Variants in GLRA3 observed in about 807,000 individuals in gnomAD.
The protein encoded by GLRA3 is glycine receptor subunit alpha-3.
A neutral mutation model predicts 60.4 loss-of-function variants in GLRA3; 44 were observed. That is an observed-to-expected ratio of 0.73 (90% confidence interval 0.57 to 0.94). The LOEUF (loss-of-function observed/expected upper bound fraction) is 0.94, where lower values mean the gene tolerates loss of function less well. Ranked by LOEUF, GLRA3 falls within the 40% of genes least tolerant of loss-of-function variation. GLRA3 has a pLI of 0.00. For missense variants in GLRA3, 508 were observed against 564.6 expected, an observed-to-expected ratio of 0.90 and a Z score of 1.02; for synonymous variants, 223 against 192.9, an observed-to-expected ratio of 1.16 and a Z score of -1.29.
chr4:174,802,268 A>G (rs2111344515), intron 1 of GLRA3, among the ~76,000 whole-genome samples: 1 of 152,116 alleles, frequency 6.6e-6, no homozygotes, highest in Admixed American at 6.6e-5. Context: ...TTTTTTGAAT[A>G]AGCATAGAAA....
intron 2 of GLRA3, among the ~76,000 whole-genome samples, chr4:174,773,965 TAC>T (rs10565507): frequency 0.73 from 110,826 of 151,614 alleles, 40,808 homozygotes; most frequent in East Asian, 1. Flanking sequence ...GAGGAAAATG[TAC>T]ACCCACAATA....
intron 3 of GLRA3, among the ~76,000 whole-genome samples, chr4:174,736,763 A>G (rs1338607965): frequency 6.6e-6 from 1 of 152,182 alleles, no homozygotes; most frequent in Non-Finnish European, 1.5e-5. Flanking sequence ...TCTATACACA[A>G]TGATGTATAT....
intron 3 of GLRA3, among the ~76,000 whole-genome samples, chr4:174,748,660 G>A (rs1476803718): frequency 1.3e-5 from 2 of 152,222 alleles, no homozygotes; most frequent in East Asian, 3.9e-4. Context: ...TTATACCCAG[G>A]TTAAATTTTA....
At chr4:174,788,717 G>A (rs1739216542) in intron 2 of GLRA3, 99 bp downstream of exon 2, 2 of 665,762 alleles carry the variant, frequency 3.0e-6, no homozygotes, top group African/African-American at 1.9e-5. Context: ...GAAGATTGTT[G>A]AAAATAAGCA....
At chr4:174,737,124 T>A (rs1008357393) in intron 3 of GLRA3, among the ~76,000 whole-genome samples, 1 of 152,200 alleles carries the variant, frequency 6.6e-6, no homozygotes, top group Non-Finnish European at 1.5e-5. Context: ...TTGGGACTAA[T>A]GTTATAGAAC....
intron 5 of GLRA3, among the ~76,000 whole-genome samples, chr4:174,691,738 G>A (rs1290844574): frequency 7.2e-5 from 11 of 152,206 alleles, no homozygotes; most frequent in Admixed American, 2.0e-4. Context: ...ATCTCGGCTC[G>A]CTACAACCTC....
At position 174,751,061 on chromosome 4, in the gene GLRA3, G is replaced by GTCTATCTATCTA. The variant is rs901405538; in HGVS notation, c.267+15890_267+15901dup. 4.6e-4 allele frequency among the ~76,000 whole-genome samples: 64 copies of GTCTATCTATCTA among 139,572 alleles called. 1 individual carries two copies. The highest frequency in any genetic ancestry group is 1.7e-3 in the African/African-American group (62 of 37,294). The allele number at this position is 139,572 out of a possible 152,430, so 91.6% of individuals were successfully genotyped here. ...AGAAAAAAGAGAAGCCTGTCTGTCT[G>GTCTATCTATCTA]TCTATCTATCTATCTATCTATCTAT... On this transcript the variant is annotated intron_variant, in intron 3 of 9. Coordinates refer to ENST00000274093, the MANE Select transcript of GLRA3 (RefSeq NM_006529.4).
At chr4:174,663,014 A>G (rs764192729) in intron 7 of GLRA3, among the ~76,000 whole-genome samples, 1 of 152,058 alleles carries the variant, frequency 6.6e-6, no homozygotes, top group African/African-American at 2.4e-5. Context: ...ATCATAGATG[A>G]CATATGGAGA....
chr4:174,706,081 T>A (rs1017380089), intron 5 of GLRA3, among the ~76,000 whole-genome samples: 2 of 151,788 alleles, frequency 1.3e-5, no homozygotes, highest in Non-Finnish European at 2.9e-5. Flanking sequence ...ATACAAAAAA[T>A]TAGCCGGGCG....
At chr4:174,706,461 T>G (rs757137109) in intron 5 of GLRA3, among the ~76,000 whole-genome samples, 3 of 152,088 alleles carry the variant, frequency 2.0e-5, no homozygotes, top group Non-Finnish European at 4.4e-5. Flanking sequence ...ACTGAAAAAG[T>G]ATACAAAAGT....
At chr4:174,794,963 A>G (rs1022967373) in intron 1 of GLRA3, among the ~76,000 whole-genome samples, 2 of 151,840 alleles carry the variant, frequency 1.3e-5, no homozygotes, top group Non-Finnish European at 2.9e-5. Flanking sequence ...CGTTATTGAC[A>G]TGTTCCAAAG....
intron 3 of GLRA3, among the ~76,000 whole-genome samples, chr4:174,748,405 AT>A (rs758261165): frequency 3.6e-4 from 55 of 152,298 alleles, no homozygotes; most frequent in Non-Finnish European, 6.9e-4. Context: ...ATTTAAAGTA[AT>A]TTGGCTGTGA....
At chr4:174,802,388 C>A (rs987722509) in intron 1 of GLRA3, among the ~76,000 whole-genome samples, 3 of 151,990 alleles carry the variant, frequency 2.0e-5, no homozygotes, top group Non-Finnish European at 4.4e-5. Flanking sequence ...CTGAAATGTA[C>A]CAGATCACTA....
intron 6 of GLRA3, among the ~76,000 whole-genome samples, chr4:174,678,067 C>T (rs1051230312): frequency 6.6e-6 from 1 of 152,044 alleles, no homozygotes; most frequent in African/African-American, 2.4e-5. Flanking sequence ...ACGAATTATT[C>T]CTTGAATAAT....
At chr4:174,645,209 C>T (rs974440780) in intron 9 of GLRA3, among the ~76,000 whole-genome samples, 3 of 151,778 alleles carry the variant, frequency 2.0e-5, no homozygotes, top group African/African-American at 4.8e-5. Context: ...GTCAGGAGAT[C>T]GAGACCATCT....
intron 5 of GLRA3, among the ~76,000 whole-genome samples, chr4:174,700,909 G>T (rs1735290801): frequency 6.6e-6 from 1 of 152,116 alleles, no homozygotes. Context: ...GCTAGCAGAG[G>T]TTAGTTTATG....
rs78583487 is a variant in GLRA3, at chr4:174,812,085, A to T, written c.71+16656T>A. ...AAAATACTACAAAAATACTGGGAAA[A>T]AGTTATTTCACCAATCAGAAATAAG... On this transcript the variant is annotated intron_variant, in intron 1 of 9. Coordinates refer to ENST00000274093, the MANE Select transcript of GLRA3 (RefSeq NM_006529.4). Among the ~76,000 whole-genome samples, 141 of 152,280 alleles carry T rather than the reference A, an allele frequency of 9.3e-4. 2 individuals are homozygous for T. In the East Asian group the frequency reaches 0.026, roughly 28 times the overall value.
At chr4:174,726,921 A>C (rs190437943) in intron 4 of GLRA3, among the ~76,000 whole-genome samples, 232 of 152,266 alleles carry the variant, frequency 1.5e-3, no homozygotes, top group Middle Eastern at 0.01. Context: ...CCTGGAATTC[A>C]CCATTAATTT....
At chr4:174,695,234 T>C (rs1012827560) in intron 5 of GLRA3, among the ~76,000 whole-genome samples, 2 of 151,946 alleles carry the variant, frequency 1.3e-5, no homozygotes, top group Admixed American at 6.6e-5. Context: ...CCTCAACTTA[T>C]TATATGAGGC....
Sources: gnomAD v4.1 joint callset for allele counts (sites outside exome capture counted in the v4.1 genomes callset) on GRCh38, gnomAD v4.1.1 for gene constraint, MANE v1.5 for transcripts, NCBI Gene and HGNC (gene_info 2026-07-23, HGNC 2026-07-21) for gene names.